FBRSL1: variants seen among roughly 807,000 people sequenced by gnomAD.
FBRSL1 encodes fibrosin-1-like protein.
Under a neutral mutation model 89.6 loss-of-function variants are expected in FBRSL1, and 51 were observed. The observed-to-expected ratio is 0.57, with a 90% CI of 0.45 to 0.72. The LOEUF is 0.72. Among genes scored for constraint, FBRSL1 ranks in the 30% least tolerant of loss-of-function variants. The pLI is 0.00. For synonymous variants in FBRSL1, 779 were observed against 681.1 expected (o/e 1.14, Z -2.24); for missense variants, 1,618 against 1,451.8 (o/e 1.11, Z -1.86).
chr12:132,495,576 G>C (rs1427286685), intron 1 of FBRSL1, among the ~76,000 whole-genome samples: 1 of 152,214 alleles, frequency 6.6e-6, no homozygotes, highest in South Asian at 2.1e-4. Flanking sequence ...GGAAACTGAG[G>C]CACAGAGAGG....
intron 5 of FBRSL1, chr12:132,560,034 C>T (rs1482970373): frequency 1.3e-5 from 2 of 149,942 alleles, no homozygotes; most frequent in Non-Finnish European, 3.0e-5. Context: ...CAGAGCGCAC[C>T]GAGCGCCGCC....
At chr12:132,544,013 C>T (rs1305403372) in intron 4 of FBRSL1, among the ~76,000 whole-genome samples, 2 of 152,172 alleles carry the variant, frequency 1.3e-5, no homozygotes, top group Non-Finnish European at 2.9e-5. Flanking sequence ...CCACCCCACA[C>T]CTTAGGCGTG....
chr12:132,535,433 C>CT (rs2036627955), intron 4 of FBRSL1, among the ~76,000 whole-genome samples: 1 of 152,256 alleles, frequency 6.6e-6, no homozygotes, highest in East Asian at 1.9e-4. Flanking sequence ...GAAAGAAACA[C>CT]TGGTGAGGCC....
intron 4 of FBRSL1, among the ~76,000 whole-genome samples, chr12:132,538,449 G>A (rs991061413): frequency 2.0e-5 from 3 of 152,216 alleles, no homozygotes; most frequent in African/African-American, 2.4e-5. Context: ...AGGCAAGCAC[G>A]GACTGTGCCA....
chr12:132,575,711 G>A (rs542304420), intron 14 of FBRSL1, among the ~76,000 whole-genome samples: 79 of 152,378 alleles, frequency 5.2e-4, no homozygotes, highest in African/African-American at 1.8e-3. Flanking sequence ...GCAAGAGGCC[G>A]GCGGTCCAGG....
In FBRSL1 at chr12:132,571,207, G is replaced by T; in HGVS notation, c.1353G>T (p.Leu451Phe). Residue 451 changes from leucine to phenylalanine, a missense_variant, in exon 9 of 19, where the codon TTG becomes TTT. Physicochemically the swap from Leu to Phe is conservative, Grantham distance 22 (BLOSUM62 0). Transcript: ENST00000680143. ...ACGTGGCGAGCGGCCACCCCGGCTT[G>T]GCCTGCCGACCCCGGGAGTGCCAGG... The part of the protein sequence containing the change: ...GPHVASGHPG[L>F]ACRPRECQFD... 1 of 1,443,328 alleles carries T rather than the reference G, an allele frequency of 6.9e-7. No homozygotes were observed. Among genetic ancestry groups the T allele is most frequent in the Non-Finnish European group, 9.1e-7 (1 of 1,093,484 alleles). 89.4% of individuals were successfully genotyped at this position (1,443,328 alleles called of 1,614,324 possible). A position where few individuals can be genotyped will look rare whatever the true frequency, so the allele number is the denominator to read the frequency against.
intron 5 of FBRSL1, chr12:132,553,041 G>C (rs569234318): frequency 6.5e-6 from 1 of 152,912 alleles, no homozygotes; most frequent in African/African-American, 2.4e-5. Flanking sequence ...GGGTTGCTGC[G>C]TGTCTGTGGC....
chr12:132,530,708 CGGG>C, intron 4 of FBRSL1, among the ~76,000 whole-genome samples: 1 of 35,396 alleles, frequency 2.8e-5, no homozygotes, highest in African/African-American at 1.2e-4. Flanking sequence ...TGACAGATGG[CGGG>C]GTGGGGGGTG....
At chr12:132,549,458 G>C (rs539643112) in intron 5 of FBRSL1, among the ~76,000 whole-genome samples, 5 of 152,198 alleles carry the variant, frequency 3.3e-5, no homozygotes, top group Non-Finnish European at 7.3e-5. Context: ...ACCTTGTCCT[G>C]ATCTCAGGAA....
intron 9 of FBRSL1, 31 bp downstream of exon 9, chr12:132,571,262 C>G: frequency 1.4e-6 from 2 of 1,481,452 alleles, no homozygotes; most frequent in Non-Finnish European, 1.8e-6. Context: ...GCCGGGAGCC[C>G]GCGGCCAACG....
intron 5 of FBRSL1, chr12:132,566,421 AAGAAG>A (rs763958243): frequency 2.5e-4 from 35 of 139,428 alleles, no homozygotes; most frequent in South Asian, 1.6e-3. Flanking sequence ...AAAAAAAAAA[AAGAAG>A]AAGAAGAAAC....
intron 15 of FBRSL1, among the ~76,000 whole-genome samples, chr12:132,577,782 T>G (rs923646159): frequency 9.2e-5 from 14 of 152,326 alleles, no homozygotes; most frequent in African/African-American, 3.1e-4. Context: ...GGGCTCGAAG[T>G]TCAACCCACA....
At chr12:132,570,972 G>C (rs1424292362) in intron 8 of FBRSL1, 96 bp from the exon 9 acceptor site, 1 of 833,258 alleles carries the variant, frequency 1.2e-6, no homozygotes, top group South Asian at 5.5e-5. Flanking sequence ...GGCTGGGGAC[G>C]GCCCCGTGTC....
At chr12:132,577,527 T>C (rs1366035172) in intron 15 of FBRSL1, among the ~76,000 whole-genome samples, 1 of 152,030 alleles carries the variant, frequency 6.6e-6, no homozygotes, top group Non-Finnish European at 1.5e-5. Flanking sequence ...TAGGAAGGGT[T>C]CCAGGACTTG....
chr12:132,525,295 ACAGCCAGATGGGGTGGTGCGAAC>A (rs2035695198), intron 2 of FBRSL1, among the ~76,000 whole-genome samples: 1 of 152,216 alleles, frequency 6.6e-6, no homozygotes, highest in African/African-American at 2.4e-5. Context: ...ATAGCCCTGT[ACAGCCAGATGGGGTGGTGCGAAC>A]CAGCCAGGGT....
At position 132,574,419 on chromosome 12, in the gene FBRSL1, G is replaced by A. The variant is rs376038505; in HGVS notation, c.1629+71G>A. 1.9e-4 allele frequency: 292 copies of A among 1,548,264 alleles called. 1 individual carries two copies. The highest frequency in any genetic ancestry group is 2.2e-4 in the Non-Finnish European group (249 of 1,146,144). On this transcript the variant is annotated intron_variant, in intron 13 of 18. Transcript: ENST00000680143. ...CCCCCGGGGCGGCCTCGGGGGGCCC[G>A]TGACAGCAGGAGTCTGCAGAAAACA...
chr12:132,571,341 G>C lies in FBRSL1; in HGVS notation c.1377+110G>C, dbSNP rs1246259907. 3.2e-6 allele frequency: 5 copies of C among 1,549,924 alleles called. No homozygotes were observed. The South Asian group carries it at 6.0e-5, about 18-fold the overall frequency. On this transcript the variant is annotated intron_variant, in intron 9 of 18. Coordinates refer to ENST00000680143, the MANE Select transcript of FBRSL1 (RefSeq NM_001367871.1). ...TGCTCAGGCAAGAGCTGAACACGCG[G>C]TTTCTGGTGCAGAGCGCCGAGCGGC...
At chr12:132,558,442 C>T (rs1566199685) in intron 5 of FBRSL1, among the ~76,000 whole-genome samples, 1 of 152,384 alleles carries the variant, frequency 6.6e-6, no homozygotes, top group African/African-American at 2.4e-5. Context: ...GCATGCAGTG[C>T]GCCCGGAAGT....
intron 2 of FBRSL1, 37 bp from the exon 3 acceptor site, chr12:132,525,697 G>T (rs774541184): frequency 1.3e-6 from 2 of 1,506,912 alleles, no homozygotes. Context: ...GCGGTGAGGT[G>T]GGGGTTTGCC....
Sources: allele counts gnomAD v4.1 joint callset (sites outside exome capture counted in the v4.1 genomes callset), GRCh38; gene constraint gnomAD v4.1.1; transcripts MANE v1.5; gene names NCBI Gene and HGNC (gene_info 2026-07-23, HGNC 2026-07-21).